The following TRAPPC9 variants were observed in gnomAD, a reference collection of about 807,000 sequenced individuals.
TRAPPC9 encodes trafficking protein particle complex subunit 9.
In TRAPPC9, 83 loss-of-function variants were observed where a neutral mutation model predicts 124.0. That is an observed-to-expected ratio of 0.67 (90% confidence interval 0.56 to 0.80). The LOEUF (loss-of-function observed/expected upper bound fraction) is 0.80, where lower values mean the gene tolerates loss of function less well. Ranked by LOEUF, TRAPPC9 falls within the 30% of genes least tolerant of loss-of-function variation. The probability of loss-of-function intolerance (pLI) is 0.00; values close to 1 mark genes in which losing one functional copy is unlikely to be tolerated. For missense variants in TRAPPC9, 1,302 were observed against 1,508.3 expected (o/e 0.86, Z 2.27); for synonymous variants, 638 against 617.5 (o/e 1.03, Z -0.49).
chr8:140,251,610 G>A (rs991959536), intron 16 of TRAPPC9, among the ~76,000 whole-genome samples: 13 of 152,202 alleles, frequency 8.5e-5, no homozygotes, highest in African/African-American at 2.2e-4. Context: ...ACTGAGCTGC[G>A]TCCCCCTTCC....
intron 10 of TRAPPC9, among the ~76,000 whole-genome samples, chr8:140,310,450 A>G (rs1029790954): frequency 6.6e-6 from 1 of 152,232 alleles, no homozygotes; most frequent in Non-Finnish European, 1.5e-5. Flanking sequence ...CCGGTCTTCA[A>G]ACAAATATTT....
chr8:140,339,488 C>T (rs888173556), intron 9 of TRAPPC9, among the ~76,000 whole-genome samples: 1 of 152,130 alleles, frequency 6.6e-6, no homozygotes, highest in African/African-American at 2.4e-5. Context: ...AATTCCTACA[C>T]TTTTTATAAA....
intron 21 of TRAPPC9, among the ~76,000 whole-genome samples, chr8:139,813,714 T>G (rs1286827100): frequency 1.3e-5 from 2 of 152,170 alleles, no homozygotes; most frequent in Non-Finnish European, 2.9e-5. Context: ...GGGTCTAATG[T>G]GTGCAAGGCT....
chr8:140,425,039 T>C (rs946382266), intron 5 of TRAPPC9, among the ~76,000 whole-genome samples: 1 of 152,150 alleles, frequency 6.6e-6, no homozygotes, highest in African/African-American at 2.4e-5. Flanking sequence ...AAGAATCAAA[T>C]TGCATTGCTC....
chr8:139,746,046 C>A (rs1209739346), intron 21 of TRAPPC9, among the ~76,000 whole-genome samples: 1 of 152,220 alleles, frequency 6.6e-6, no homozygotes, highest in East Asian at 1.9e-4. Context: ...CCAGTGTGCA[C>A]CTTCACTCCA....
chr8:139,741,823 G>A (rs1176000498), intron 21 of TRAPPC9, among the ~76,000 whole-genome samples: 1 of 152,116 alleles, frequency 6.6e-6, no homozygotes, highest in African/African-American at 2.4e-5. Flanking sequence ...TGTCTCTAAG[G>A]CTCACCCGTG....
chr8:140,366,715 G>A (rs1387055079), intron 8 of TRAPPC9, among the ~76,000 whole-genome samples: 1 of 152,138 alleles, frequency 6.6e-6, no homozygotes, highest in Non-Finnish European at 1.5e-5. Context: ...ATCAAAGAAA[G>A]AATTGATAAG....
chr8:139,739,374 T>A (rs959098261), intron 21 of TRAPPC9, among the ~76,000 whole-genome samples: 4 of 152,236 alleles, frequency 2.6e-5, no homozygotes, highest in African/African-American at 9.6e-5. Context: ...GTAGTGTCAC[T>A]TCCATGCTCC....
intron 9 of TRAPPC9, 109 bp from the exon 10 acceptor site, chr8:140,311,483 G>T: frequency 7.4e-7 from 1 of 1,355,826 alleles, no homozygotes; most frequent in Middle Eastern, 1.8e-4. Context: ...CCAATCTTCT[G>T]ACAGAAATGA....
Position 140,371,112 on chromosome 8 carries a change from A to T in TRAPPC9, c.1203T>A (p.His401Gln). 6.2e-7 allele frequency: 1 copy of T among 1,614,190 alleles called. No homozygotes were observed. Among genetic ancestry groups the T allele is most frequent in the Non-Finnish European group, 8.5e-7 (1 of 1,180,026 alleles). Residue 401 changes from histidine (H) to glutamine (Q), a missense_variant, in exon 8 of 23, where the codon CAT becomes CAA. His to Gln is a conservative substitution (Grantham distance 24, BLOSUM62 0). Around this residue, in one of 3 missense-constraint regions of TRAPPC9, gnomAD observed 657 missense variants for 811.2 expected, o/e 0.81. Coordinates refer to ENST00000438773, the MANE Select transcript of TRAPPC9 (RefSeq NM_001160372.4). ...LSELYELIGFHRKSAFFKRVA... is the reference protein window; with the variant it reads ...LSELYELIGFQRKSAFFKRVA... ...CGCGCTTGAAGAACGCAGACTTGCG[A>T]TGGAAGCCGATCAGCTCATAGAGCT...
chr8:139,789,937 GCTCCCGTCCCGGTGCGTCC>G (rs1342491751), intron 21 of TRAPPC9, among the ~76,000 whole-genome samples: 3 of 152,128 alleles, frequency 2.0e-5, no homozygotes, highest in Non-Finnish European at 4.4e-5. Flanking sequence ...GCCTTCTCGG[GCTCCCGTCCCGGTGCGTCC>G]CTCCCGACCC....
chr8:140,158,260 A>T (rs1237796101), intron 17 of TRAPPC9, among the ~76,000 whole-genome samples: 1 of 152,250 alleles, frequency 6.6e-6, no homozygotes, highest in Non-Finnish European at 1.5e-5. Flanking sequence ...GATGTGGTTA[A>T]GATGAAGATT....
chr8:140,452,539 A>G (rs2071502738), intron 1 of TRAPPC9, among the ~76,000 whole-genome samples: 1 of 152,072 alleles, frequency 6.6e-6, no homozygotes, highest in South Asian at 2.1e-4. Flanking sequence ...AAAAGGAGAG[A>G]TTACACAAAT....
chr8:140,436,334 A>C (rs1378862825), intron 3 of TRAPPC9, among the ~76,000 whole-genome samples: 1 of 152,230 alleles, frequency 6.6e-6, no homozygotes, highest in Non-Finnish European at 1.5e-5. Flanking sequence ...CGACAGAGTG[A>C]GACTGACTCA....
intron 3 of TRAPPC9, among the ~76,000 whole-genome samples, chr8:140,437,517 G>A (rs1429318498): frequency 2.0e-5 from 3 of 152,126 alleles, no homozygotes; most frequent in African/African-American, 7.2e-5. Context: ...CCAGCTACTC[G>A]GAAGGCTGAG....
chr8:140,426,648 G>A lies in TRAPPC9; in HGVS notation c.860-7C>T. 1 of 1,613,318 alleles carries A rather than the reference G, an allele frequency of 6.2e-7. No homozygotes were observed. The highest frequency in any genetic ancestry group is 2.2e-5 in the East Asian group (1 of 44,858). On this transcript the variant is annotated splice_region_variant and splice_polypyrimidine_tract_variant and intron_variant, in intron 4 of 22. Transcript: ENST00000438773. ...ATGAGAACTTCCTGTGCCCCTGGAAGAAAGAACAGATTATGGTATTTTATT... is the reference window on the plus strand; with the variant it reads ...ATGAGAACTTCCTGTGCCCCTGGAAAAAAGAACAGATTATGGTATTTTATT...
At chr8:140,304,068 G>T (rs1284992750) in intron 10 of TRAPPC9, among the ~76,000 whole-genome samples, 1 of 152,002 alleles carries the variant, frequency 6.6e-6, no homozygotes, top group African/African-American at 2.4e-5. Context: ...TATGTCATAG[G>T]GGCTGACCTG....
At chr8:140,016,369 G>A (rs540210401) in intron 18 of TRAPPC9, among the ~76,000 whole-genome samples, 2 of 152,232 alleles carry the variant, frequency 1.3e-5, no homozygotes, top group Non-Finnish European at 2.9e-5. Flanking sequence ...TAGGGTGAGG[G>A]AATTTCAGAG....
intron 17 of TRAPPC9, among the ~76,000 whole-genome samples, chr8:140,134,572 G>T (rs1045772891): frequency 1.3e-5 from 2 of 152,236 alleles, no homozygotes; most frequent in Admixed American, 6.5e-5. Flanking sequence ...TTCAACAAAG[G>T]TGTCAAGTTT....
Sources: gnomAD v4.1 joint callset for allele counts (sites outside exome capture counted in the v4.1 genomes callset) on GRCh38, gnomAD v4.1.1 for gene constraint, gnomAD v4.1.1 regional missense constraint, MANE v1.5 for transcripts, NCBI Gene and HGNC (gene_info 2026-07-23, HGNC 2026-07-21) for gene names.